RAB3C: variants seen among roughly 807,000 people sequenced by gnomAD.
RAB3C encodes the protein RAB3C, member RAS oncogene family.
RAB3C carries 17 observed loss-of-function variants against 26.4 expected under a neutral mutation model. The ratio of observed to expected loss-of-function variants is 0.64; its 90% confidence interval spans 0.44 to 0.97. The LOEUF (loss-of-function observed/expected upper bound fraction) is 0.97, where lower values mean the gene tolerates loss of function less well. RAB3C is among the 50% of genes least tolerant of loss of function. RAB3C has a pLI of 0.00. For missense variants in RAB3C, 242 were observed against 281.9 expected, an observed-to-expected ratio of 0.86 and a Z score of 1.01; for synonymous variants, 91 against 95.9, an observed-to-expected ratio of 0.95 and a Z score of 0.30.
intron 2 of RAB3C, among the ~76,000 whole-genome samples, chr5:58,677,976 T>TTGTGTGTGTGTGTGTG (rs70973149): frequency 0.078 from 11,510 of 147,726 alleles, 554 homozygotes; most frequent in Middle Eastern, 0.16. Flanking sequence ...CTAGATTATT[T>TTGTGTGTGTGTGTGTG]TGTGTGTGTG....
chr5:58,811,848 G>A (rs1370273060), intron 3 of RAB3C, among the ~76,000 whole-genome samples: 3 of 150,722 alleles, frequency 2.0e-5, no homozygotes, highest in Non-Finnish European at 4.4e-5. Flanking sequence ...GGTGCCCCCT[G>A]ACCAGCCTTC....
intron 3 of RAB3C, among the ~76,000 whole-genome samples, chr5:58,743,470 T>C (rs922763700): frequency 1.3e-5 from 2 of 152,056 alleles, no homozygotes; most frequent in African/African-American, 4.8e-5. Flanking sequence ...TAGGTATACA[T>C]GTGCTATGGT....
chr5:58,847,158 A>G (rs1488438808), intron 4 of RAB3C: 1 of 152,192 alleles, frequency 6.6e-6, no homozygotes, highest in Non-Finnish European at 1.5e-5. Context: ...GAAAGGCTTC[A>G]CTGATTTGCT....
At chr5:58,832,504 G>T (rs191449143) in intron 4 of RAB3C, among the ~76,000 whole-genome samples, 68 of 152,250 alleles carry the variant, frequency 4.5e-4, no homozygotes, top group African/African-American at 1.5e-3. Flanking sequence ...ATTGGTCAAG[G>T]CACTAGGAGT....
intron 3 of RAB3C, among the ~76,000 whole-genome samples, chr5:58,773,381 G>A (rs1742064777): frequency 6.6e-6 from 1 of 152,108 alleles, no homozygotes. Context: ...ACTTGGAATA[G>A]CATTCAAGTC....
chr5:58,618,474 C>A (rs1746870794), intron 2 of RAB3C, among the ~76,000 whole-genome samples: 1 of 152,122 alleles, frequency 6.6e-6, no homozygotes, highest in Admixed American at 6.6e-5. Context: ...GAAACAGGGT[C>A]TTTCCAAAGT....
chr5:58,622,420 C>T (rs148710891), intron 2 of RAB3C, among the ~76,000 whole-genome samples: 5 of 152,068 alleles, frequency 3.3e-5, no homozygotes, highest in Admixed American at 6.6e-5. Flanking sequence ...CATCAGAATA[C>T]AAAAAATAAA....
intron 2 of RAB3C, among the ~76,000 whole-genome samples, chr5:58,641,867 G>T (rs1244275401): frequency 1.3e-5 from 2 of 152,012 alleles, no homozygotes; most frequent in African/African-American, 4.8e-5. Flanking sequence ...TTTTAAAAAA[G>T]AGTTATTATT....
In RAB3C at chr5:58,610,418, AT is replaced by A. The variant is rs574497504; in HGVS notation, c.25-7216del. ...TGCCAGCAATTGTTGTCAGGTTTTA[AT>A]TTTTTTTTCTAATTGTAGCTGTTAT... On this transcript the variant is annotated intron_variant, in intron 1 of 4. Coordinates refer to ENST00000282878, the MANE Select transcript of RAB3C (RefSeq NM_138453.4). Among the ~76,000 whole-genome samples the A allele has an allele frequency of 2.7e-3, 415 of 151,156 alleles. 1 individual carries two copies. The highest frequency in any genetic ancestry group is 9.4e-3 in the African/African-American group (389 of 41,194).
At chr5:58,847,438 C>T (rs1026536860) in intron 4 of RAB3C, among the ~76,000 whole-genome samples, 3 of 152,070 alleles carry the variant, frequency 2.0e-5, no homozygotes. Flanking sequence ...TTGGTGTGTA[C>T]GAATGGGAGA....
At chr5:58,731,119 C>T (rs1317493211) in intron 3 of RAB3C, among the ~76,000 whole-genome samples, 4 of 152,010 alleles carry the variant, frequency 2.6e-5, no homozygotes, top group Non-Finnish European at 4.4e-5. Context: ...AGGTGAGATT[C>T]GGGTGGAGAC....
At chr5:58,686,000 A>G (rs1748437623) in intron 2 of RAB3C, among the ~76,000 whole-genome samples, 1 of 152,190 alleles carries the variant, frequency 6.6e-6, no homozygotes. Flanking sequence ...AGCAGGTGAC[A>G]TGATTAGATA....
chr5:58,672,614 G>A (rs1278955881), intron 2 of RAB3C, among the ~76,000 whole-genome samples: 4 of 152,038 alleles, frequency 2.6e-5, no homozygotes, highest in African/African-American at 7.2e-5. Flanking sequence ...TGGTTGGTTG[G>A]TTGTTTTTTC....
chr5:58,757,472 A>G (rs1343005020), intron 3 of RAB3C, among the ~76,000 whole-genome samples: 1 of 152,242 alleles, frequency 6.6e-6, no homozygotes, highest in African/African-American at 2.4e-5. Context: ...TTTTTTAATG[A>G]AACATTTCCC....
chr5:58,639,870 T>A (rs1295032761), intron 2 of RAB3C, among the ~76,000 whole-genome samples: 2 of 152,226 alleles, frequency 1.3e-5, no homozygotes, highest in African/African-American at 4.8e-5. Flanking sequence ...TATAAAATCA[T>A]GTTTTTTCAA....
chr5:58,845,612 A>ATATATATATATATATATATATATGTGTG, intron 4 of RAB3C, among the ~76,000 whole-genome samples: 9 of 81,736 alleles, frequency 1.1e-4, no homozygotes, highest in African/African-American at 5.2e-4. Flanking sequence ...ATATATATAT[A>ATATATATATATATATATATATATGTGTG]TGTGTGTGTG....
intron 3 of RAB3C, chr5:58,814,846 G>C (rs540644098): frequency 6.6e-6 from 1 of 152,196 alleles, no homozygotes; most frequent in African/African-American, 2.4e-5. Context: ...GAAGTTGTAA[G>C]ACAGGCATGA....
chr5:58,716,475 T>A (rs951954178), intron 2 of RAB3C, among the ~76,000 whole-genome samples: 1 of 152,110 alleles, frequency 6.6e-6, no homozygotes, highest in South Asian at 2.1e-4. Context: ...CTGTGTCACC[T>A]CCCAGCACTG....
Position 58,804,959 on chromosome 5 carries a change from T to C in RAB3C, c.372-20079T>C, listed in dbSNP as rs892498039. 1.2e-3 allele frequency among the ~76,000 whole-genome samples: 185 copies of C among 151,432 alleles called. 2 individuals are homozygous for C. Among genetic ancestry groups the C allele is most frequent in the Admixed American group, 0.012 (184 of 15,108 alleles). On this transcript the variant is annotated intron_variant, in intron 3 of 4. Transcript: ENST00000282878. Reference sequence around the variant, plus strand: ...AATGTTCCATGTTGTTTGTACATACTAGATATTGCAGTAGTAAAAAGATCA... The same window carrying C: ...AATGTTCCATGTTGTTTGTACATACCAGATATTGCAGTAGTAAAAAGATCA...
Sources: gnomAD v4.1 joint callset for allele counts (sites outside exome capture counted in the v4.1 genomes callset) on GRCh38, gnomAD v4.1.1 for gene constraint, MANE v1.5 for transcripts, NCBI Gene and HGNC (gene_info 2026-07-23, HGNC 2026-07-21) for gene names.